Variants in CES2 observed in about 807,000 individuals in gnomAD.
CES2 encodes carboxylesterase 2, also known as cocaine esterase.
Under a neutral mutation model 52.1 loss-of-function variants are expected in CES2, and 42 were observed. The observed-to-expected ratio is 0.81, with a 90% confidence interval of 0.63 to 1.04. CES2 has a LOEUF of 1.04. Among genes scored for constraint, CES2 ranks in the 50% least tolerant of loss-of-function variants. CES2 has a pLI of 0.00. For missense variants in CES2, 656 were observed against 724.3 expected, an observed-to-expected ratio of 0.91 and a Z score of 1.08; for synonymous variants, 277 against 289.6, an observed-to-expected ratio of 0.96 and a Z score of 0.44.
chr16:66,935,932 A>C lies in CES2; in HGVS notation c.76+221A>C, dbSNP rs1019049802. 59 of 1,433,356 alleles carry C rather than the reference A, an allele frequency of 4.1e-5. 1 individual carries two copies. Among genetic ancestry groups the C allele is most frequent in the Non-Finnish European group, 2.6e-5 (28 of 1,097,736 alleles). The allele number at this position is 1,433,356 out of a possible 1,614,324, so 88.8% of individuals were successfully genotyped here. On this transcript the variant is annotated intron_variant, in intron 1 of 11. Coordinates refer to ENST00000317091, the MANE Select transcript of CES2 (RefSeq NM_001365405.1). ...CTGGGGGACACCACGGCAAGGAACCAGCGGAGTACAGGGGCCCCAGGAGCG... is the reference window on the plus strand; with the variant it reads ...CTGGGGGACACCACGGCAAGGAACCCGCGGAGTACAGGGGCCCCAGGAGCG...
Position 66,943,477 on chromosome 16 carries a change from C to A in CES2, c.1493+106C>A. 1 of 1,165,022 alleles carries A rather than the reference C, an allele frequency of 8.6e-7. No homozygotes were observed. Among genetic ancestry groups the A allele is most frequent in the Non-Finnish European group, 1.3e-6 (1 of 793,766 alleles). The allele number at this position is 1,165,022 out of a possible 1,614,324, so 72.2% of individuals were successfully genotyped here. On this transcript the variant is annotated intron_variant, in intron 11 of 11. Coordinates refer to ENST00000317091, the MANE Select transcript of CES2 (RefSeq NM_001365405.1). This position sits in a 1 kb window ranked among gnomAD's most constrained non-coding sequence, Gnocchi z 4.2. ...TCATGAGCACACCCGCATCCTTCATCACATGATGGCCCCTTCCCCAGCTCC... is the reference window on the plus strand; with the variant it reads ...TCATGAGCACACCCGCATCCTTCATAACATGATGGCCCCTTCCCCAGCTCC...
chr16:66,937,206 T>C (rs1963235881), intron 1 of CES2, among the ~76,000 whole-genome samples: 1 of 152,006 alleles, frequency 6.6e-6, no homozygotes, highest in Admixed American at 6.5e-5. Context: ...AAATTTTGGG[T>C]TGGACCCACA....
chr16:66,940,809 G>C, intron 5 of CES2, 114 bp downstream of exon 5: 1 of 1,344,284 alleles, frequency 7.4e-7, no homozygotes, highest in Non-Finnish European at 9.9e-7. Flanking sequence ...TCCAGGAGCT[G>C]CTGCCTACCG....
upstream of CES2, chr16:66,934,513 G>A (rs769646965): frequency 8.1e-7 from 1 of 1,234,878 alleles, no homozygotes; most frequent in Non-Finnish European, 1.1e-6. The surrounding 1 kb of genome is among the most constrained non-coding windows in gnomAD (Gnocchi z 4.1). Context: ...TGCGAGAGAA[G>A]CGGTGACCGC....
chr16:66,944,318 A>G lies in CES2; in HGVS notation c.*293A>G, dbSNP rs868089232. 1.5e-3 allele frequency: 336 copies of G among 221,586 alleles called. 6 individuals carry two copies. The highest frequency in any genetic ancestry group is 2.6e-3 in the Middle Eastern group (2 of 772). The allele number at this position is 221,586 out of a possible 1,614,324, so 13.7% of individuals were successfully genotyped here. A position where few individuals can be genotyped will look rare whatever the true frequency, so the allele number is the denominator to read the frequency against. On this transcript the variant is annotated 3_prime_UTR_variant, in exon 12 of 12. Coordinates refer to ENST00000317091, the MANE Select transcript of CES2 (RefSeq NM_001365405.1). Reference sequence around the variant, plus strand: ...TGAGACCCCTTCTCAAAAAAAAAAAAAAAAAAGAGAGAGTGTGTGATTAGA... The same window carrying G: ...TGAGACCCCTTCTCAAAAAAAAAAAGAAAAAAGAGAGAGTGTGTGATTAGA...
intron 1 of CES2, chr16:66,935,920 C>G (rs560097079): frequency 1.4e-6 from 2 of 1,440,430 alleles, no homozygotes; most frequent in African/African-American, 2.9e-5. Context: ...GGGGACACCA[C>G]GGCAAGGAAC....
chr16:66,937,441 A>G (rs1963239983), intron 1 of CES2, among the ~76,000 whole-genome samples: 1 of 152,014 alleles, frequency 6.6e-6, no homozygotes. Flanking sequence ...AAACTCACCC[A>G]CTTTCTGGAG....
intron 5 of CES2, 75 bp downstream of exon 5, chr16:66,940,770 G>C: frequency 6.5e-7 from 1 of 1,536,436 alleles, no homozygotes; most frequent in Non-Finnish European, 8.8e-7. Flanking sequence ...TCTGTTAAAC[G>C]GGGATGACAA....
In CES2 at chr16:66,943,455, T is replaced by C; in HGVS notation, c.1493+84T>C. Reference sequence around the variant, plus strand: ...GCTCTCCTAGTCTGGGGTGACCTCATGAGCACACCCGCATCCTTCATCACA... The same window carrying C: ...GCTCTCCTAGTCTGGGGTGACCTCACGAGCACACCCGCATCCTTCATCACA... On this transcript the variant is annotated intron_variant, in intron 11 of 11. Transcript: ENST00000317091. The surrounding 1 kb of genome is among the most constrained non-coding windows in gnomAD (Gnocchi z 4.2). The C allele has an allele frequency of 7.1e-7, 1 of 1,411,746 alleles. No homozygotes were observed. Among genetic ancestry groups the C allele is most frequent in the South Asian group, 1.2e-5 (1 of 85,662 alleles). The allele number at this position is 1,411,746 out of a possible 1,614,324, so 87.5% of individuals were successfully genotyped here.
At position 66,938,175 on chromosome 16, in the gene CES2, G is replaced by A. The variant is rs781527420; in HGVS notation, c.215G>A (p.Arg72Gln). The A allele has an allele frequency of 8.1e-6, 13 of 1,614,032 alleles. No homozygotes were observed. The highest frequency in any genetic ancestry group is 2.7e-5 in the African/African-American group (2 of 74,912). Residue 72 changes from arginine (R) to glutamine (Q), a missense_variant, in exon 2 of 12, where the codon CGA becomes CAA. Transcript: ENST00000317091. ...PFAKPPLGPLRFAPPEPPESW... is the reference protein window; with the variant it reads ...PFAKPPLGPLQFAPPEPPESW... ...GCCAAGCCACCTCTAGGTCCGCTGC[G>A]ATTTGCACCCCCTGAGCCCCCTGAA...
rs1597012226 is a variant in CES2, at chr16:66,944,267, G to T, written c.*242G>T. ...GAGGATGGCTTGAGGCCAGAGGTTT[G>T]AGACCGACCAGCCAGGGCAACACAG... On this transcript the variant is annotated 3_prime_UTR_variant, in exon 12 of 12. Coordinates refer to ENST00000317091, the MANE Select transcript of CES2 (RefSeq NM_001365405.1). 1 of 283,130 alleles carries T rather than the reference G, an allele frequency of 3.5e-6. No individual in the cohort carries two copies. The highest frequency in any genetic ancestry group is 6.4e-6 in the Non-Finnish European group (1 of 155,174). 17.5% of individuals were successfully genotyped at this position (283,130 alleles called of 1,614,324 possible).
intron 3 of CES2, 139 bp from the exon 4 acceptor site, chr16:66,940,083 C>A: frequency 1.7e-6 from 2 of 1,199,364 alleles, no homozygotes; most frequent in Admixed American, 2.4e-5. Context: ...GGTGCCTAAC[C>A]ATTTGCCCAT....
rs368628668 is a variant in CES2 at position 66,938,110 on chromosome 16, C to T, written c.150C>T (p.Gly50=). ...TGGGGAGTCTTGTCCATGTGAAGGGCGCCAATGCCGGGGTCCAAACCTTCC... is the reference window on the plus strand; with the variant it reads ...TGGGGAGTCTTGTCCATGTGAAGGGTGCCAATGCCGGGGTCCAAACCTTCC... ...QVLGSLVHVK[G]ANAGVQTFLG... is the part of the protein sequence containing the mutation. Residue 50 remains glycine, a synonymous_variant, in exon 2 of 12, where the codon GGC becomes GGT. Transcript: ENST00000317091. The T allele has an allele frequency of 3.5e-5, 56 of 1,614,010 alleles. No individual in the cohort carries two copies. Among genetic ancestry groups the T allele is most frequent in the African/African-American group, 5.3e-5 (4 of 74,910 alleles).
intron 1 of CES2, among the ~76,000 whole-genome samples, chr16:66,936,709 T>G (rs1963225482): frequency 6.6e-6 from 1 of 151,988 alleles, no homozygotes; most frequent in Non-Finnish European, 1.5e-5. Flanking sequence ...CTCTCCTAAG[T>G]GTATGATCTG....
intron 5 of CES2, 56 bp from the exon 6 acceptor site, chr16:66,941,068 A>G (rs2145506354): frequency 6.2e-7 from 1 of 1,605,530 alleles, no homozygotes; most frequent in Non-Finnish European, 8.5e-7. Context: ...GGCCTTGGGC[A>G]AACTCCTCTC....
intron 1 of CES2, chr16:66,935,976 G>T: frequency 7.2e-7 from 1 of 1,397,812 alleles, no homozygotes; most frequent in Non-Finnish European, 9.3e-7. Flanking sequence ...TGCCAGGCCG[G>T]GTAGGCAGCC....
In CES2 at chr16:66,939,313, C is replaced by T; in HGVS notation, c.378C>T (p.Leu126=). The T allele has an allele frequency of 3.7e-6, 6 of 1,614,156 alleles. No homozygotes were observed. The highest frequency in any genetic ancestry group is 5.1e-6 in the Non-Finnish European group (6 of 1,179,994). ...CCATGTCTGAGGACTGCCTGTACCT[C>T]AGCATCTACACGCCGGCCCATAGCC... ...SDSMSEDCLY[L]SIYTPAHSHE... is the part of the protein sequence containing the mutation. The change falls in exon 3 of 12, where the codon CTC becomes CTT. Residue 126 remains leucine, a synonymous_variant. Transcript: ENST00000317091.
intron 3 of CES2, among the ~76,000 whole-genome samples, 195 bp downstream of exon 3, chr16:66,939,553 TC>T (rs1963306513): frequency 6.6e-6 from 1 of 152,222 alleles, no homozygotes; most frequent in Non-Finnish European, 1.5e-5. Context: ...TTCTGGCTGC[TC>T]CCAGAGGTCA....
intron 1 of CES2, chr16:66,935,942 AG>A (rs1963200479): frequency 7.0e-7 from 1 of 1,424,270 alleles, no homozygotes; most frequent in Non-Finnish European, 9.2e-7. Flanking sequence ...AGCGGAGTAC[AG>A]GGGCCCCAGG....
Sources: gnomAD v4.1 joint callset for allele counts (sites outside exome capture counted in the v4.1 genomes callset) on GRCh38, gnomAD v4.1.1 for gene constraint, Gnocchi (gnomAD v3.1) non-coding constraint, MANE v1.5 for transcripts, NCBI Gene and HGNC (gene_info 2026-07-23, HGNC 2026-07-21) for gene names.